ERCC6L2: variants seen among roughly 807,000 people sequenced by gnomAD.
The protein encoded by ERCC6L2 is DNA excision repair protein ERCC-6-like 2.
Under a neutral mutation model 132.0 loss-of-function variants are expected in ERCC6L2, and 77 were observed. The observed-to-expected ratio is 0.58, with a 90% CI of 0.49 to 0.71. The LOEUF is 0.71. Among genes scored for constraint, ERCC6L2 ranks in the 30% least tolerant of loss-of-function variants. The probability of loss-of-function intolerance (pLI) is 0.00; values close to 1 mark genes in which losing one functional copy is unlikely to be tolerated. For missense variants in ERCC6L2, 1,542 were observed against 1,837.6 expected (o/e 0.84, Z 2.94); for synonymous variants, 583 against 632.4 (o/e 0.92, Z 1.17).
rs929197419 is a variant in ERCC6L2, at chr9:96,017,788, C to T, written c.*4585C>T. ...TGTTACATTCCTATAAAAATGTCCA[C>T]GCATATTTGAACATCTGTGTTCATA... On this transcript the variant is annotated 3_prime_UTR_variant, in exon 19 of 19. Transcript: ENST00000653738. Among the ~76,000 whole-genome samples the T allele has an allele frequency of 1.3e-5, 2 of 152,180 alleles. No individual in the cohort carries two copies. The highest frequency in any genetic ancestry group is 6.5e-5 in the Admixed American group (1 of 15,282).
chr9:95,989,995 A>G (rs1340763871), intron 17 of ERCC6L2, among the ~76,000 whole-genome samples: 1 of 152,246 alleles, frequency 6.6e-6, no homozygotes, highest in African/African-American at 2.4e-5. Context: ...CTGACCAGGC[A>G]GACTTACATT....
intron 19 of ERCC6L2, among the ~76,000 whole-genome samples, chr9:96,028,602 A>G (rs1834413071): frequency 6.6e-6 from 1 of 152,132 alleles, no homozygotes; most frequent in African/African-American, 2.4e-5. Context: ...GTCCCCTAGT[A>G]AGGGCGTCCC....
chr9:95,906,666 G>A (rs774039825), intron 3 of ERCC6L2: 1 of 457,254 alleles, frequency 2.2e-6, no homozygotes, highest in South Asian at 1.5e-5. Flanking sequence ...GAAGGAAAGA[G>A]AGCTCCAGGA....
intron 17 of ERCC6L2, among the ~76,000 whole-genome samples, chr9:95,988,730 T>C (rs1833189514): frequency 6.6e-6 from 1 of 152,204 alleles, no homozygotes; most frequent in South Asian, 2.1e-4. Flanking sequence ...TGTGGGGGAT[T>C]TTCCCTTACA....
At chr9:95,923,490 A>T in intron 9 of ERCC6L2, 111 bp downstream of exon 9, 1 of 1,224,484 alleles carries the variant, frequency 8.2e-7, no homozygotes, top group East Asian at 2.4e-5. Flanking sequence ...TTCAGAAGAG[A>T]TGGTGGCTAT....
intron 13 of ERCC6L2, among the ~76,000 whole-genome samples, chr9:95,958,727 C>T (rs966674254): frequency 4.6e-5 from 7 of 152,016 alleles, no homozygotes; most frequent in Non-Finnish European, 1.0e-4. Context: ...TTCTCATACA[C>T]CAATAACAGA....
chr9:95,956,059 G>A, intron 13 of ERCC6L2, 46 bp downstream of exon 13: 1 of 1,180,528 alleles, frequency 8.5e-7, no homozygotes, highest in Non-Finnish European at 1.2e-6. Flanking sequence ...ACATTTATCT[G>A]TTTTCAAAAA....
At chr9:95,981,049 G>A (rs1832872462) in intron 17 of ERCC6L2, among the ~76,000 whole-genome samples, 1 of 152,098 alleles carries the variant, frequency 6.6e-6, no homozygotes, top group Non-Finnish European at 1.5e-5. Flanking sequence ...GTCTCAGTAA[G>A]AAAATAAATC....
chr9:95,888,798 C>T (rs1828009664), intron 2 of ERCC6L2, among the ~76,000 whole-genome samples: 1 of 152,192 alleles, frequency 6.6e-6, no homozygotes, highest in Admixed American at 6.5e-5. Context: ...TCCATAAAAT[C>T]CACCTGTGCT....
intron 12 of ERCC6L2, among the ~76,000 whole-genome samples, chr9:95,942,514 G>T (rs1343326118): frequency 6.6e-6 from 1 of 151,650 alleles, no homozygotes; most frequent in Non-Finnish European, 1.5e-5. Flanking sequence ...AAATGGAGAG[G>T]GCTAATGGAA....
intron 4 of ERCC6L2, among the ~76,000 whole-genome samples, chr9:95,910,053 T>C (rs1029382867): frequency 6.6e-6 from 1 of 152,232 alleles, no homozygotes; most frequent in African/African-American, 2.4e-5. Flanking sequence ...TCTATAGTTA[T>C]TGGATGTAGT....
intron 14 of ERCC6L2, among the ~76,000 whole-genome samples, chr9:95,969,679 C>T (rs1832326166): frequency 6.6e-6 from 1 of 152,158 alleles, no homozygotes; most frequent in Non-Finnish European, 1.5e-5. Flanking sequence ...GGGAATGAGG[C>T]TTCCCATCCC....
intron 10 of ERCC6L2, 197 bp downstream of exon 10, chr9:95,928,347 C>T: frequency 2.2e-6 from 1 of 451,064 alleles, no homozygotes; most frequent in Non-Finnish European, 3.9e-6. Flanking sequence ...ATATCAAACT[C>T]AAAGATAGAT....
rs757586132 is a variant in ERCC6L2, at chr9:95,978,077, G to A, written c.3354G>A (p.Val1118=). 1 of 1,366,358 alleles carries A rather than the reference G, an allele frequency of 7.3e-7. No homozygotes were observed. Among genetic ancestry groups the A allele is most frequent in the Non-Finnish European group, 9.8e-7 (1 of 1,021,390 alleles). The allele number at this position is 1,366,358 out of a possible 1,614,324, so 84.6% of individuals were successfully genotyped here. ...MDKFLDGVQE[V]AYIHSNQNVI... ...ACCTCCTAGATGGCGTTCAGGAAGT[G>A]GCTTATATTCACTCAAACCAGAATG... The change falls in exon 17 of 19, where the codon GTG becomes GTA. Residue 1118 remains valine (V), a synonymous_variant. Coordinates refer to ENST00000653738, the MANE Select transcript of ERCC6L2 (RefSeq NM_020207.7).
chr9:96,026,886 C>T (rs1164320051), intron 19 of ERCC6L2, among the ~76,000 whole-genome samples: 1 of 132,208 alleles, frequency 7.6e-6, no homozygotes, highest in East Asian at 2.6e-4. Context: ...ACACACCACA[C>T]ATACCACAAC....
chr9:95,953,329 C>A (rs1166411747), intron 12 of ERCC6L2, among the ~76,000 whole-genome samples: 1 of 152,176 alleles, frequency 6.6e-6, no homozygotes, highest in African/African-American at 2.4e-5. Flanking sequence ...GTAATCCCAG[C>A]ACTTTGGGAG....
In ERCC6L2 at chr9:95,916,324, C is replaced by A. The variant is rs745872567; in HGVS notation, c.1048C>A (p.Leu350Ile). 6.2e-7 allele frequency: 1 copy of A among 1,614,032 alleles called. No homozygotes were observed. Among genetic ancestry groups the A allele is most frequent in the South Asian group, 1.1e-5 (1 of 91,066 alleles). ...GQRHTATKRE[L>I]ATGRKAMQRL... ...GAGACACACGGCAACAAAGAGAGAA[C>A]TAGCCACTGGCCGAAAGGCCATGCA... The change falls in exon 6 of 19, where the codon CTA (leucine) becomes ATA (isoleucine). Residue 350 changes from leucine to isoleucine, a missense_variant. By Grantham distance (5) the Leu-to-Ile change is conservative. Around this residue, in one of 4 missense-constraint regions of ERCC6L2, gnomAD observed 945 missense variants for 1,105.2 expected, o/e 0.86. Coordinates refer to ENST00000653738, the MANE Select transcript of ERCC6L2 (RefSeq NM_020207.7).
Position 95,972,927 on chromosome 9 carries a change from G to A in ERCC6L2, c.3176G>A (p.Ser1059Asn). 7.7e-7 allele frequency: 1 copy of A among 1,306,918 alleles called. No individual in the cohort carries two copies. 81.0% of individuals were successfully genotyped at this position (1,306,918 alleles called of 1,614,324 possible). Residue 1059 changes from serine to asparagine, a missense_variant, in exon 16 of 19, where the codon AGC (serine) becomes AAC (asparagine). By Grantham distance (46) the Ser-to-Asn change is conservative. Around this residue, in one of 4 missense-constraint regions of ERCC6L2, gnomAD observed 945 missense variants for 1,105.2 expected, o/e 0.86. Coordinates refer to ENST00000653738, the MANE Select transcript of ERCC6L2 (RefSeq NM_020207.7). ...AGCCACTTCAGTTTCTCTAAACAGA[G>A]CCACAGACCAAGAACTATAAGAGAC... ...SVSHFSFSKQ[S>N]HRPRTIRDRT...
At chr9:96,006,571 C>T (rs1833871857) in intron 18 of ERCC6L2, among the ~76,000 whole-genome samples, 1 of 152,100 alleles carries the variant, frequency 6.6e-6, no homozygotes, top group East Asian at 1.9e-4. Context: ...CATTGTGGGT[C>T]TTACAGTTGA....
Sources: allele counts gnomAD v4.1 joint callset (sites outside exome capture counted in the v4.1 genomes callset), GRCh38; gene constraint gnomAD v4.1.1; regional missense constraint gnomAD v4.1.1; transcripts MANE v1.5; gene names NCBI Gene and HGNC (gene_info 2026-07-23, HGNC 2026-07-21).